Variants in MORC1 observed in about 807,000 individuals in gnomAD.
MORC1 encodes the protein MORC family CW-type zinc finger protein 1.
MORC1 carries 59 observed loss-of-function variants against 134.9 expected under a neutral mutation model. The observed-to-expected ratio is 0.44, with a 90% confidence interval of 0.35 to 0.54. MORC1 has a LOEUF of 0.54. MORC1 is among the 20% of genes least tolerant of loss of function. The pLI is 0.00. For synonymous variants in MORC1, 395 were observed against 391.7 expected (o/e 1.01, Z -0.10); for missense variants, 947 against 1,134.5 (o/e 0.83, Z 2.37).
rs531697920 is a variant in MORC1, at chr3:109,050,870, T to C, written c.1330+3858A>G. ...ATTAAAGGTGACTAGGCTAAATGAA[T>C]TTTACCCTCTTTGCCAACTGAAGAA... is the stretch of plus-strand genomic sequence containing the variant. On this transcript the variant is annotated intron_variant, in intron 14 of 27. Transcript: ENST00000232603. Among the ~76,000 whole-genome samples, 4 of 152,252 alleles carry C rather than the reference T, an allele frequency of 2.6e-5. No homozygotes were observed. In the East Asian group the frequency reaches 5.8e-4, roughly 22 times the overall value.
intron 25 of MORC1, among the ~76,000 whole-genome samples, chr3:108,970,370 C>T (rs1196433260): frequency 2.6e-5 from 4 of 152,126 alleles, no homozygotes; most frequent in African/African-American, 9.7e-5. Context: ...AAGTGGTCAC[C>T]TAGGTTGAAG....
Position 109,100,422 on chromosome 3 carries a change from A to G in MORC1, c.309T>C (p.Leu103=), listed in dbSNP as rs756033756. The change falls in exon 5 of 28, where the codon CTT becomes CTC. Residue 103 remains leucine, a synonymous_variant. Coordinates refer to ENST00000232603, the MANE Select transcript of MORC1 (RefSeq NM_014429.4). The part of the protein sequence containing the change: ...LKFIGQYGNG[L]KSGSMRIGKD... ...AAGGGAAAAAAAATTCTCACCTTTT[A>G]AGACCATTGCCGTATTGCCCTATGA... The G allele has an allele frequency of 6.2e-7, 1 of 1,611,036 alleles. No homozygotes were observed. The highest frequency in any genetic ancestry group is 1.1e-5 in the South Asian group (1 of 91,008).
At chr3:108,960,875 A>C (rs755030906) in intron 27 of MORC1, among the ~76,000 whole-genome samples, 17 of 152,236 alleles carry the variant, frequency 1.1e-4, no homozygotes, top group Non-Finnish European at 2.9e-5. Context: ...GACTGCATTG[A>C]CATGGTTAAA....
At chr3:109,019,017 G>A (rs138737273) in intron 17 of MORC1, 1 of 152,324 alleles carries the variant, frequency 6.6e-6, no homozygotes, top group Non-Finnish European at 1.5e-5. Flanking sequence ...CCATGCTCAG[G>A]AGAGAATGCT....
intron 21 of MORC1, among the ~76,000 whole-genome samples, chr3:108,987,477 G>T (rs553603198): frequency 6.6e-6 from 1 of 152,262 alleles, no homozygotes; most frequent in South Asian, 2.1e-4. Flanking sequence ...AATACTGGGG[G>T]ATGGGATATC....
chr3:109,047,084 A>C (rs1044893102), intron 14 of MORC1, among the ~76,000 whole-genome samples: 1 of 152,190 alleles, frequency 6.6e-6, no homozygotes, highest in African/African-American at 2.4e-5. Context: ...ATATTACTTC[A>C]AAGATGCATT....
intron 8 of MORC1, among the ~76,000 whole-genome samples, chr3:109,084,002 A>T (rs954171899): frequency 6.6e-6 from 1 of 152,190 alleles, no homozygotes; most frequent in Admixed American, 6.5e-5. Flanking sequence ...TAAAGAAGTA[A>T]TATACCTCAA....
At chr3:109,082,658 C>G (rs1019216052) in intron 8 of MORC1, among the ~76,000 whole-genome samples, 4 of 152,022 alleles carry the variant, frequency 2.6e-5, no homozygotes, top group African/African-American at 9.7e-5. Flanking sequence ...ATTCAAGGCT[C>G]TGCACAACAG....
In MORC1 at chr3:108,971,361, G is replaced by T. The variant is rs761134292; in HGVS notation, c.2519C>A (p.Ser840Ter). The T allele has an allele frequency of 6.2e-7, 1 of 1,613,542 alleles. No homozygotes were observed. Among genetic ancestry groups the T allele is most frequent in the Non-Finnish European group, 8.5e-7 (1 of 1,179,668 alleles). Residue 840 changes from serine (S) to a stop codon, truncating the protein, a stop_gained, in exon 25 of 28, where the codon TCA (serine) becomes TAA (stop). Transcript: ENST00000232603. LOFTEE classifies it high-confidence loss of function. Reference sequence around the variant, plus strand: ...ACTTAATGCAGGTTCTTCCAATTCTGATGGTAGCTGATGCTCAGGAAAAAA... The same window carrying T: ...ACTTAATGCAGGTTCTTCCAATTCTTATGGTAGCTGATGCTCAGGAAAAAA... Reference protein sequence around the residue: ...LYFFPEHQLPSELEEPALSCE... With the variant: ...LYFFPEHQLP
rs1209159335 is a variant in MORC1 at position 109,027,794 on chromosome 3, G to A, written c.1661C>T (p.Ser554Leu). ...CAGTCTATTTTGATACTTTATGACC[G>A]ACTCTCTAAGTTGCTTCTCTTTCTC... Reference protein sequence around the residue: ...KNEKEKQLRESVIKYQNRLAE... With the variant: ...KNEKEKQLRELVIKYQNRLAE... Residue 554 changes from serine (S) to leucine (L), a missense_variant, in exon 17 of 28, where the codon TCG becomes TTG. Ser to Leu is a moderately radical substitution (Grantham distance 145, BLOSUM62 -2). Around this residue, in one of 3 missense-constraint regions of MORC1, gnomAD observed 722 missense variants for 817.0 expected, o/e 0.88. Transcript: ENST00000232603. The A allele has an allele frequency of 1.2e-6, 2 of 1,613,772 alleles. No individual in the cohort carries two copies. The highest frequency in any genetic ancestry group is 2.2e-5 in the East Asian group (1 of 44,862).
intron 8 of MORC1, among the ~76,000 whole-genome samples, chr3:109,072,934 AAC>A (rs58749136): frequency 0.45 from 65,473 of 144,604 alleles, 16,200 homozygotes; most frequent in East Asian, 0.85. Flanking sequence ...AATCTCCCTC[AAC>A]ACACACACAC....
At chr3:108,962,024 T>C (rs1947092954) in intron 27 of MORC1, among the ~76,000 whole-genome samples, 1 of 152,154 alleles carries the variant, frequency 6.6e-6, no homozygotes, top group South Asian at 2.1e-4. Context: ...TTTTAACACA[T>C]GAAAACATTT....
intron 17 of MORC1, among the ~76,000 whole-genome samples, chr3:109,022,278 T>A (rs1257245252): frequency 6.6e-6 from 1 of 152,164 alleles, no homozygotes; most frequent in African/African-American, 2.4e-5. Flanking sequence ...TACACAATAA[T>A]GACACATTAA....
chr3:108,988,071 A>C (rs1397808513), intron 21 of MORC1, among the ~76,000 whole-genome samples: 1 of 152,032 alleles, frequency 6.6e-6, no homozygotes, highest in Non-Finnish European at 1.5e-5. Context: ...TGCCCTCTCT[A>C]ACCTGCTAAA....
chr3:109,018,579 G>A (rs1212916711), intron 17 of MORC1, among the ~76,000 whole-genome samples: 3 of 152,110 alleles, frequency 2.0e-5, no homozygotes, highest in Non-Finnish European at 4.4e-5. Flanking sequence ...CTCTCATACA[G>A]AAATGTCCAG....
intron 8 of MORC1, among the ~76,000 whole-genome samples, chr3:109,076,871 A>C (rs1280253559): frequency 6.6e-6 from 1 of 151,938 alleles, no homozygotes; most frequent in Non-Finnish European, 1.5e-5. Context: ...AGAAATACCT[A>C]ATGTAGATGA....
intron 14 of MORC1, among the ~76,000 whole-genome samples, chr3:109,044,246 T>TG (rs986521746): frequency 2.0e-5 from 3 of 152,116 alleles, no homozygotes; most frequent in Admixed American, 6.5e-5. Context: ...TCTAATGAAT[T>TG]GTTCAGGAGC....
At chr3:109,012,697 T>G (rs1948720934) in intron 17 of MORC1, among the ~76,000 whole-genome samples, 1 of 152,238 alleles carries the variant, frequency 6.6e-6, no homozygotes, top group Non-Finnish European at 1.5e-5. Context: ...TTTTTCAATT[T>G]CAATTTCCAA....
intron 26 of MORC1, among the ~76,000 whole-genome samples, chr3:108,966,616 A>C (rs1947227221): frequency 6.6e-6 from 1 of 152,188 alleles, no homozygotes; most frequent in South Asian, 2.1e-4. Context: ...AATGTTAACT[A>C]ATGCTAAAAC....
Sources: gnomAD v4.1 joint callset for allele counts (sites outside exome capture counted in the v4.1 genomes callset) on GRCh38, gnomAD v4.1.1 for gene constraint, gnomAD v4.1.1 regional missense constraint, MANE v1.5 for transcripts, NCBI Gene and HGNC (gene_info 2026-07-23, HGNC 2026-07-21) for gene names.